YTHDC1: variants seen among roughly 807,000 people sequenced by gnomAD.
YTHDC1 encodes the protein YTH domain-containing protein 1.
YTHDC1 carries 12 observed loss-of-function variants against 107.0 expected under a neutral mutation model. The observed-to-expected ratio is 0.11, with a 90% CI of 0.07 to 0.18. The LOEUF is 0.18. Ranked by LOEUF, YTHDC1 falls within the 10% of genes least tolerant of loss-of-function variation. The pLI, the probability that YTHDC1 is intolerant of heterozygous loss-of-function variation, is 1.00. For missense variants in YTHDC1, 635 were observed against 898.8 expected (o/e 0.71, Z 3.75); for synonymous variants, 280 against 289.5 (o/e 0.97, Z 0.33).
chr4:68,314,808 A>G (rs1180093023), intron 16 of YTHDC1, among the ~76,000 whole-genome samples: 3 of 152,096 alleles, frequency 2.0e-5, no homozygotes, highest in Non-Finnish European at 4.4e-5. Flanking sequence ...TTTCAAACTA[A>G]ATTGTTACAA....
At chr4:68,321,652 A>T (rs1024496992) in intron 11 of YTHDC1, among the ~76,000 whole-genome samples, 1 of 152,212 alleles carries the variant, frequency 6.6e-6, no homozygotes, top group Non-Finnish European at 1.5e-5. Context: ...GGCCAAAAAT[A>T]AGGGGCTCTG....
At position 68,349,917 on chromosome 4, in the gene YTHDC1, G is replaced by T. The variant is rs1725921063; in HGVS notation, c.-164C>A. Reference sequence around the variant, plus strand: ...ACACTCAGCCTTCTCGACTCTTCCCGCTTTTTCCCTTTCTCCCTTCCTTTC... The same window carrying T: ...ACACTCAGCCTTCTCGACTCTTCCCTCTTTTTCCCTTTCTCCCTTCCTTTC... On this transcript the variant is annotated 5_prime_UTR_variant, in exon 1 of 17. Transcript: ENST00000344157. 1.1e-6 allele frequency: 1 copy of T among 916,186 alleles called. No individual in the cohort carries two copies. Among genetic ancestry groups the T allele is most frequent in the African/African-American group, 1.6e-5 (1 of 60,792 alleles). 56.8% of individuals were successfully genotyped at this position (916,186 alleles called of 1,614,324 possible).
chr4:68,348,919 AG>A (rs1380659696), intron 1 of YTHDC1, among the ~76,000 whole-genome samples: 1 of 152,226 alleles, frequency 6.6e-6, no homozygotes, highest in Non-Finnish European at 1.5e-5. Context: ...ACACTGATCT[AG>A]GACCTACATT....
chr4:68,323,055 T>C, intron 10 of YTHDC1, 140 bp from the exon 11 acceptor site: 1 of 712,588 alleles, frequency 1.4e-6, no homozygotes, highest in Non-Finnish European at 2.2e-6. Flanking sequence ...CAATAAGACT[T>C]CCAGATTTAT....
chr4:68,346,163 T>C (rs1337205829), intron 1 of YTHDC1, among the ~76,000 whole-genome samples: 2 of 150,852 alleles, frequency 1.3e-5, no homozygotes. Context: ...CACCTGTAAT[T>C]CCAGCACTTT....
chr4:68,337,524 C>T (rs140846925), intron 3 of YTHDC1, 48 bp downstream of exon 3: 1 of 1,584,702 alleles, frequency 6.3e-7, no homozygotes, highest in Non-Finnish European at 8.5e-7. Flanking sequence ...GTTCTAAAGC[C>T]TCAAAAAGAA....
rs571001744 is a variant in YTHDC1 at position 68,324,018 on chromosome 4, A to T, written c.1434+121T>A. 3.4e-5 allele frequency: 28 copies of T among 816,052 alleles called. No homozygotes were observed. The Admixed American group carries it at 7.2e-4, about 21-fold the overall frequency. 50.6% of individuals were successfully genotyped at this position (816,052 alleles called of 1,614,324 possible). On this transcript the variant is annotated intron_variant, in intron 10 of 16. Transcript: ENST00000344157. ...GTTATTATAAACTTCAGATAAGATT[A>T]TTTTTTCAAATTCTCACGTGGTCTC...
At chr4:68,340,724 C>T (rs6822778) in intron 1 of YTHDC1, among the ~76,000 whole-genome samples, 124,432 of 151,958 alleles carry the variant, frequency 0.82, 51,309 homozygotes, top group East Asian at 0.97. Flanking sequence ...CACAATGAAA[C>T]AGGCAAATAA....
At chr4:68,338,406 A>C in intron 1 of YTHDC1, 22 bp from the exon 2 acceptor site, 1 of 1,542,762 alleles carries the variant, frequency 6.5e-7, no homozygotes, top group South Asian at 1.2e-5. Context: ...ATTAAAAATT[A>C]ATAGGGAAAA....
chr4:68,321,586 A>T (rs1722452832), intron 11 of YTHDC1, among the ~76,000 whole-genome samples: 1 of 152,198 alleles, frequency 6.6e-6, no homozygotes, highest in African/African-American at 2.4e-5. Flanking sequence ...ATTGTATTGC[A>T]CTGGAAACCT....
Position 68,350,069 on chromosome 4 carries a change from G to T in YTHDC1, c.-316C>A. The T allele has an allele frequency of 5.9e-6, 3 of 507,380 alleles. No homozygotes were observed. The highest frequency in any genetic ancestry group is 1.1e-5 in the Non-Finnish European group (3 of 283,172). The allele number at this position is 507,380 out of a possible 1,614,324, so 31.4% of individuals were successfully genotyped here. Reference sequence around the variant, plus strand: ...CTAAAATGGAGCCTGCTTCCTGCGCGAAACAATCCCGCTCCCGAAATGCCC... The same window carrying T: ...CTAAAATGGAGCCTGCTTCCTGCGCTAAACAATCCCGCTCCCGAAATGCCC... On this transcript the variant is annotated 5_prime_UTR_variant, in exon 1 of 17. Transcript: ENST00000344157.
At chr4:68,324,526 A>G (rs1722775797) in intron 9 of YTHDC1, among the ~76,000 whole-genome samples, 1 of 152,172 alleles carries the variant, frequency 6.6e-6, no homozygotes, top group African/African-American at 2.4e-5. Flanking sequence ...ATCACCATCT[A>G]CTTTATAGTT....
In YTHDC1 at chr4:68,337,371, C is replaced by A; in HGVS notation, c.539G>T (p.Gly180Val). The A allele has an allele frequency of 6.2e-7, 1 of 1,614,146 alleles. No individual in the cohort carries two copies. Among genetic ancestry groups the A allele is most frequent in the South Asian group, 1.1e-5 (1 of 91,080 alleles). ...SKEEVNSEEY[G>V]SDHETGSSGS... ...ACTGCTGCCAGTCTCATGGTCAGAG[C>A]CATATTCTTCAGAGTTCACTTCTTC... is the stretch of plus-strand genomic sequence containing the variant. The change falls in exon 4 of 17, where the codon GGC becomes GTC. Residue 180 changes from glycine (G) to valine (V), a missense_variant. Gly to Val is a moderately radical substitution (Grantham distance 109). Around this residue, in one of 5 missense-constraint regions of YTHDC1, gnomAD observed 294 missense variants for 312.3 expected, o/e 0.94. Coordinates refer to ENST00000344157, the MANE Select transcript of YTHDC1 (RefSeq NM_001031732.4).
chr4:68,326,445 A>G (rs1722997298), intron 9 of YTHDC1, among the ~76,000 whole-genome samples: 1 of 152,170 alleles, frequency 6.6e-6, no homozygotes, highest in Non-Finnish European at 1.5e-5. Flanking sequence ...AGAACAAGCA[A>G]CCTAACAGTT....
At chr4:68,316,489 C>A in intron 15 of YTHDC1, 41 bp from the exon 16 acceptor site, 2 of 1,590,274 alleles carry the variant, frequency 1.3e-6, no homozygotes, top group Non-Finnish European at 1.7e-6. Context: ...TCTACCAACA[C>A]CCTTGTAAAC....
At chr4:68,345,983 AC>A (rs1725368723) in intron 1 of YTHDC1, among the ~76,000 whole-genome samples, 3 of 151,536 alleles carry the variant, frequency 2.0e-5, no homozygotes, top group Admixed American at 6.6e-5. Context: ...ACACAACAAA[AC>A]CGCCTAACAA....
At chr4:68,320,076 T>C in intron 12 of YTHDC1, 47 bp downstream of exon 12, 1 of 1,503,762 alleles carries the variant, frequency 6.6e-7, no homozygotes. Flanking sequence ...TTTAATTTTT[T>C]TCCAATAATT....
intron 15 of YTHDC1, 72 bp from the exon 16 acceptor site, chr4:68,316,520 C>A: frequency 6.6e-7 from 1 of 1,521,574 alleles, no homozygotes; most frequent in South Asian, 1.3e-5. Flanking sequence ...TAGAACCCTT[C>A]ATCCAAAACA....
At chr4:68,315,170 T>C (rs546122404) in intron 16 of YTHDC1, among the ~76,000 whole-genome samples, 7 of 152,338 alleles carry the variant, frequency 4.6e-5, no homozygotes, top group Admixed American at 2.0e-4. Flanking sequence ...TCAACTAAGA[T>C]TTCATTATAG....
Sources: gnomAD v4.1 joint callset for allele counts (sites outside exome capture counted in the v4.1 genomes callset) on GRCh38, gnomAD v4.1.1 for gene constraint, gnomAD v4.1.1 regional missense constraint, MANE v1.5 for transcripts, NCBI Gene and HGNC (gene_info 2026-07-23, HGNC 2026-07-21) for gene names.